The following MCC variants were observed in gnomAD, a reference collection of about 807,000 sequenced individuals.
MCC encodes the protein MCC regulator of Wnt signaling pathway, also known as colorectal mutant cancer protein.
MCC carries 90 observed loss-of-function variants against 116.2 expected under a neutral mutation model. That is an observed-to-expected ratio of 0.77 (90% CI 0.65 to 0.92). The LOEUF is 0.92. Ranked by LOEUF, MCC falls within the 40% of genes least tolerant of loss-of-function variation. The pLI is 0.00. For missense variants in MCC, 1,516 were observed against 1,312.2 expected (o/e 1.16, Z -2.40); for synonymous variants, 578 against 510.5 (o/e 1.13, Z -1.78).
chr5:113,325,172 A>C (rs1454396308), intron 3 of MCC, among the ~76,000 whole-genome samples: 1 of 152,162 alleles, frequency 6.6e-6, no homozygotes, highest in Admixed American at 6.5e-5. Context: ...CAATGAGATA[A>C]GTTAGAGGGG....
chr5:113,401,840 T>C (rs558864079), intron 1 of MCC, among the ~76,000 whole-genome samples: 2 of 151,956 alleles, frequency 1.3e-5, no homozygotes, highest in East Asian at 3.9e-4. Flanking sequence ...ATTTTACATA[T>C]TTTTAAAATT....
At chr5:113,138,213 G>A (rs1056521505) in intron 5 of MCC, among the ~76,000 whole-genome samples, 1 of 152,004 alleles carries the variant, frequency 6.6e-6, no homozygotes, top group Non-Finnish European at 1.5e-5. Flanking sequence ...AGAGGGGTGT[G>A]TTGGCTAGGC....
intron 1 of MCC, among the ~76,000 whole-genome samples, chr5:113,428,271 T>C (rs1770534494): frequency 6.6e-6 from 1 of 152,136 alleles, no homozygotes; most frequent in Non-Finnish European, 1.5e-5. Flanking sequence ...TTTTAATGTA[T>C]AACTAATATC....
chr5:113,279,775 G>A (rs1477178994), intron 3 of MCC, among the ~76,000 whole-genome samples: 1 of 152,150 alleles, frequency 6.6e-6, no homozygotes, highest in South Asian at 2.1e-4. Flanking sequence ...ATACTAATTT[G>A]TAACAGGATG....
At chr5:113,350,047 C>T (rs1279762120) in intron 2 of MCC, among the ~76,000 whole-genome samples, 1 of 151,698 alleles carries the variant, frequency 6.6e-6, no homozygotes, top group South Asian at 2.1e-4. Context: ...GAAGAGAACC[C>T]CCCCAAAATG....
chr5:113,022,976 G>T lies in MCC; in HGVS notation c.*4326C>A, dbSNP rs1750253942. The T allele has an allele frequency of 6.6e-6, 1 of 152,194 alleles. No homozygotes were observed. Among genetic ancestry groups the T allele is most frequent in the Non-Finnish European group, 1.5e-5 (1 of 68,040 alleles). 9.4% of individuals were successfully genotyped at this position (152,194 alleles called of 1,614,324 possible). A position where few individuals can be genotyped will look rare whatever the true frequency, so the allele number is the denominator to read the frequency against. The stretch of plus-strand genomic sequence containing the variant: ...CAAAAATGTATGGTGATCTGCATGT[G>T]AAACTGTCTTTCTCTACACAGGTAT... On this transcript the variant is annotated 3_prime_UTR_variant, in exon 19 of 19. Coordinates refer to ENST00000408903, the MANE Select transcript of MCC (RefSeq NM_001085377.2).
At chr5:113,214,324 G>A (rs2150325185) in intron 3 of MCC, among the ~76,000 whole-genome samples, 1 of 152,238 alleles carries the variant, frequency 6.6e-6, no homozygotes, top group South Asian at 2.1e-4. Context: ...TCAGTCCTCT[G>A]CCCAGAGATC....
intron 3 of MCC, among the ~76,000 whole-genome samples, chr5:113,324,469 T>C (rs1581399764): frequency 6.6e-6 from 1 of 152,186 alleles, no homozygotes; most frequent in Non-Finnish European, 1.5e-5. Flanking sequence ...TTACACAAGA[T>C]AAACATTGTT....
chr5:113,160,210 C>T (rs1236784826), intron 3 of MCC, among the ~76,000 whole-genome samples: 2 of 152,198 alleles, frequency 1.3e-5, no homozygotes, highest in Non-Finnish European at 2.9e-5. Flanking sequence ...CTAGGACCCA[C>T]TTAAAGCCAC....
At chr5:113,309,110 G>A (rs992503554) in intron 3 of MCC, among the ~76,000 whole-genome samples, 1 of 152,156 alleles carries the variant, frequency 6.6e-6, no homozygotes, top group African/African-American at 2.4e-5. Flanking sequence ...TGCTCTTACA[G>A]AATTTCCTAA....
rs1035769094 is a variant in MCC, at chr5:113,117,248, G to A, written c.1027+5436C>T. 5.3e-5 allele frequency among the ~76,000 whole-genome samples: 8 copies of A among 152,292 alleles called. No individual in the cohort carries two copies. In the South Asian group the frequency reaches 1.7e-3, roughly 32 times the overall value. On this transcript the variant is annotated intron_variant, in intron 6 of 18. Coordinates refer to ENST00000408903, the MANE Select transcript of MCC (RefSeq NM_001085377.2). ...AAACATTTTTTCCTGAAGCCATTAA[G>A]CCTCATCAGCCAGTAAGCCAGGAGA...
At chr5:113,196,973 T>C (rs1051686438) in intron 3 of MCC, among the ~76,000 whole-genome samples, 1 of 152,180 alleles carries the variant, frequency 6.6e-6, no homozygotes, top group African/African-American at 2.4e-5. Flanking sequence ...ACATGTAACA[T>C]TGAAATAAAA....
At chr5:113,130,127 C>A (rs1327624983) in intron 5 of MCC, among the ~76,000 whole-genome samples, 1 of 152,180 alleles carries the variant, frequency 6.6e-6, no homozygotes, top group African/African-American at 2.4e-5. Flanking sequence ...AAATGTGGCA[C>A]ATATATACCA....
intron 2 of MCC, among the ~76,000 whole-genome samples, chr5:113,370,368 A>G: frequency 6.6e-6 from 1 of 152,236 alleles, no homozygotes; most frequent in East Asian, 1.9e-4. Context: ...GCAAAGTGAC[A>G]CCATTATAGA....
chr5:113,486,811 C>T (rs1418024981), intron 1 of MCC, among the ~76,000 whole-genome samples: 1 of 149,812 alleles, frequency 6.7e-6, no homozygotes, highest in Non-Finnish European at 1.5e-5. Context: ...CACTGTACTC[C>T]AGCCTGGGTG....
At chr5:113,084,337 C>G (rs1755056161) in intron 9 of MCC, 147 bp from the exon 10 acceptor site, 2 of 646,320 alleles carry the variant, frequency 3.1e-6, no homozygotes, top group Non-Finnish European at 2.7e-6. Context: ...ATTTTTCTAC[C>G]ACCAGCTTAA....
chr5:113,442,313 T>C (rs755521724), intron 1 of MCC, among the ~76,000 whole-genome samples: 1 of 152,250 alleles, frequency 6.6e-6, no homozygotes, highest in Non-Finnish European at 1.5e-5. Context: ...TTGAGAAGTG[T>C]CTGTTCATAC....
intron 3 of MCC, among the ~76,000 whole-genome samples, chr5:113,181,904 C>G (rs1008771594): frequency 1.3e-5 from 2 of 152,278 alleles, no homozygotes; most frequent in African/African-American, 4.8e-5. Flanking sequence ...ACAGTTGCCA[C>G]GCAGATATGT....
At chr5:113,426,223 G>C (rs758839055) in intron 1 of MCC, among the ~76,000 whole-genome samples, 7 of 152,168 alleles carry the variant, frequency 4.6e-5, no homozygotes, top group Non-Finnish European at 1.0e-4. Context: ...TCTCCCTCTG[G>C]CCTGAGATAA....
Sources: allele counts gnomAD v4.1 joint callset (sites outside exome capture counted in the v4.1 genomes callset), GRCh38; gene constraint gnomAD v4.1.1; transcripts MANE v1.5; gene names NCBI Gene and HGNC (gene_info 2026-07-23, HGNC 2026-07-21).